Variants in CDH13 observed in about 807,000 individuals in gnomAD.
CDH13 encodes cadherin 13.
In CDH13, 24 loss-of-function variants were observed where a neutral mutation model predicts 63.8. The observed-to-expected ratio is 0.38, with a 90% CI of 0.27 to 0.53. The LOEUF (loss-of-function observed/expected upper bound fraction) is 0.53, where lower values mean the gene tolerates loss of function less well. Among genes scored for constraint, CDH13 ranks in the 20% least tolerant of loss-of-function variants. The pLI, the probability that CDH13 is intolerant of heterozygous loss-of-function variation, is 0.85. For synonymous variants in CDH13, 503 were observed against 355.3 expected, an observed-to-expected ratio of 1.42 and a Z score of -4.67; for missense variants, 1,049 against 903.1, an observed-to-expected ratio of 1.16 and a Z score of -2.07.
chr16:83,439,509 G>A (rs542364594), intron 6 of CDH13, among the ~76,000 whole-genome samples: 4 of 152,324 alleles, frequency 2.6e-5, no homozygotes, highest in African/African-American at 7.2e-5. Flanking sequence ...GTTGCTATTC[G>A]GAAGCATGGG....
chr16:83,432,433 T>C (rs12922399), intron 6 of CDH13, among the ~76,000 whole-genome samples: 22,178 of 152,200 alleles, frequency 0.15, 2,134 homozygotes, highest in Non-Finnish European at 0.21. Flanking sequence ...AAGTGGAATG[T>C]CTAGCAAGTG....
At chr16:82,865,359 C>G (rs556373035) in intron 2 of CDH13, among the ~76,000 whole-genome samples, 1 of 152,356 alleles carries the variant, frequency 6.6e-6, no homozygotes, top group East Asian at 1.9e-4. Flanking sequence ...AGGGCTCTGC[C>G]TCTGCAACAA....
intron 7 of CDH13, among the ~76,000 whole-genome samples, chr16:83,561,477 T>C (rs1206031078): frequency 6.7e-6 from 1 of 149,284 alleles, no homozygotes; most frequent in Non-Finnish European, 1.5e-5. Context: ...GCTATCAAAG[T>C]ATATTTTCCT....
intron 6 of CDH13, among the ~76,000 whole-genome samples, chr16:83,455,422 A>G (rs555146734): frequency 1.3e-5 from 2 of 152,144 alleles, no homozygotes; most frequent in Admixed American, 6.5e-5. Context: ...GGTTCCATCC[A>G]TTGCTGCCGT....
intron 5 of CDH13, among the ~76,000 whole-genome samples, chr16:83,250,199 A>G (rs1164757224): frequency 6.6e-6 from 1 of 152,160 alleles, no homozygotes; most frequent in African/African-American, 2.4e-5. Flanking sequence ...AAATATTCAG[A>G]TTGCCACTAT....
intron 4 of CDH13, among the ~76,000 whole-genome samples, chr16:83,190,263 C>T (rs1317959509): frequency 1.3e-5 from 2 of 152,156 alleles, no homozygotes; most frequent in African/African-American, 4.8e-5. Context: ...GGGGGAATGT[C>T]ATGGCACCAT....
chr16:83,257,321 T>A (rs985243833), intron 5 of CDH13, among the ~76,000 whole-genome samples: 1 of 152,132 alleles, frequency 6.6e-6, no homozygotes, highest in Admixed American at 6.5e-5. Flanking sequence ...TCATCGTATT[T>A]TTTTTCTTTT....
chr16:82,727,843 C>T (rs996223697), intron 1 of CDH13: 1 of 152,186 alleles, frequency 6.6e-6, no homozygotes, highest in Non-Finnish European at 1.5e-5. Flanking sequence ...CCCACTCCAC[C>T]CATCTTTGCC....
chr16:83,472,263 T>C (rs1398896180), intron 6 of CDH13, among the ~76,000 whole-genome samples: 2 of 152,232 alleles, frequency 1.3e-5, no homozygotes, highest in African/African-American at 4.8e-5. Flanking sequence ...CCTGTGGGCA[T>C]GCTGCTAACC....
chr16:83,366,195 A>G (rs1484738466), intron 6 of CDH13, among the ~76,000 whole-genome samples: 1 of 152,222 alleles, frequency 6.6e-6, no homozygotes, highest in African/African-American at 2.4e-5. Flanking sequence ...TTGAACAGCT[A>G]TCAAAAGTTC....
intron 6 of CDH13, among the ~76,000 whole-genome samples, chr16:83,445,853 A>G (rs756990906): frequency 2.0e-5 from 3 of 152,178 alleles, no homozygotes; most frequent in South Asian, 4.1e-4. Context: ...TTGGGGAGAT[A>G]CTGAAGTAGG....
chr16:82,815,388 G>A (rs527451265), intron 1 of CDH13, among the ~76,000 whole-genome samples: 3 of 152,260 alleles, frequency 2.0e-5, no homozygotes, highest in East Asian at 3.9e-4. Context: ...ACAATTCTAA[G>A]GTGGTTGTGA....
At chr16:83,336,469 G>C (rs537326267) in intron 5 of CDH13, among the ~76,000 whole-genome samples, 1 of 152,216 alleles carries the variant, frequency 6.6e-6, no homozygotes, top group East Asian at 1.9e-4. Context: ...GTAATTCGGA[G>C]GGAAAATACT....
chr16:83,711,850 C>T (rs1280776382), intron 10 of CDH13, among the ~76,000 whole-genome samples: 1 of 152,208 alleles, frequency 6.6e-6, no homozygotes, highest in Non-Finnish European at 1.5e-5. Context: ...GTAGACATTG[C>T]ATTCTTTCTC....
At chr16:83,227,632 C>A (rs926906848) in intron 5 of CDH13, among the ~76,000 whole-genome samples, 1 of 152,146 alleles carries the variant, frequency 6.6e-6, no homozygotes, top group Admixed American at 6.5e-5. Context: ...ATATGAAATA[C>A]GGATAACCTG....
chr16:82,638,805 C>G (rs1024026891), intron 1 of CDH13, among the ~76,000 whole-genome samples: 7 of 61,758 alleles, frequency 1.1e-4, no homozygotes, highest in Non-Finnish European at 3.2e-4. Flanking sequence ...TCCTGGGAGG[C>G]TTTATTAGGG....
chr16:82,778,091 C>A (rs887309426), intron 1 of CDH13, among the ~76,000 whole-genome samples: 29 of 152,164 alleles, frequency 1.9e-4, no homozygotes, highest in Non-Finnish European at 1.2e-4. Flanking sequence ...CAAGGACATG[C>A]ATATGAGGAG....
chr16:82,674,109 A>T (rs1319020992), intron 1 of CDH13, among the ~76,000 whole-genome samples: 1 of 152,150 alleles, frequency 6.6e-6, no homozygotes, highest in Non-Finnish European at 1.5e-5. Flanking sequence ...TGCAGTCTTG[A>T]AATTCTTGAT....
chr16:83,669,318 C>T (rs1359974168), intron 8 of CDH13, among the ~76,000 whole-genome samples: 2 of 152,126 alleles, frequency 1.3e-5, no homozygotes, highest in Non-Finnish European at 1.5e-5. Context: ...GAATAGGACT[C>T]GGGAAGTTTT....
Sources: allele counts gnomAD v4.1 joint callset (sites outside exome capture counted in the v4.1 genomes callset), GRCh38; gene constraint gnomAD v4.1.1; transcripts MANE v1.5; gene names NCBI Gene and HGNC (gene_info 2026-07-23, HGNC 2026-07-21).